Variants in SYTL2 observed in about 807,000 individuals in gnomAD.
The protein encoded by SYTL2 is synaptotagmin like 2.
Under a neutral mutation model 198.7 loss-of-function variants are expected in SYTL2, and 165 were observed. The observed-to-expected ratio is 0.83, with a 90% CI of 0.73 to 0.94. SYTL2 has a LOEUF of 0.94. Ranked by LOEUF, SYTL2 falls within the 40% of genes least tolerant of loss-of-function variation. SYTL2 has a pLI of 0.00. For synonymous variants in SYTL2, 966 were observed against 917.7 expected (o/e 1.05, Z -0.95); for missense variants, 2,835 against 2,582.8 (o/e 1.10, Z -2.12).
chr11:85,805,293 C>T (rs533552187), intron 1 of SYTL2, among the ~76,000 whole-genome samples: 1 of 150,994 alleles, frequency 6.6e-6, no homozygotes, highest in South Asian at 2.1e-4. Context: ...GAGTTCAAGA[C>T]CAGCCTGAGC....
chr11:85,780,241 T>A (rs754515208), intron 1 of SYTL2, among the ~76,000 whole-genome samples: 2 of 152,232 alleles, frequency 1.3e-5, no homozygotes, highest in Non-Finnish European at 2.9e-5. Flanking sequence ...TAGGATAATT[T>A]TCCACCAAAT....
intron 1 of SYTL2, among the ~76,000 whole-genome samples, chr11:85,791,939 G>T (rs1185146444): frequency 6.6e-6 from 1 of 152,108 alleles, no homozygotes; most frequent in Non-Finnish European, 1.5e-5. Context: ...TACAAAAGTT[G>T]CAAGAGAAAG....
chr11:85,770,410 C>T (rs891192637), intron 1 of SYTL2, among the ~76,000 whole-genome samples: 3 of 152,150 alleles, frequency 2.0e-5, no homozygotes, highest in African/African-American at 7.2e-5. Flanking sequence ...TTCTGTCTAC[C>T]ATACACAATC....
chr11:85,727,360 A>C lies in SYTL2; in HGVS notation c.1998T>G (p.Asn666Lys), dbSNP rs774993978. Residue 666 changes from asparagine (N) to lysine (K), a missense_variant, in exon 8 of 20, where the codon AAT (asparagine) becomes AAG (lysine). Asn to Lys is a moderately conservative substitution (Grantham distance 94). This residue lies in a region of SYTL2 where 2,645 missense variants were observed against 2,381.7 expected (regional missense o/e 1.11). Transcript: ENST00000359152. The part of the protein sequence containing the change: ...PGKGNGASPS[N>K]SNYSYSVLKE... ...TGAGAACACTGTAGGAATAGTTACT[A>C]TTTGAAGGAGATGCCCCATTCCCTT... 10 of 1,536,200 alleles carry C rather than the reference A, an allele frequency of 6.5e-6. No individual in the cohort carries two copies. The highest frequency in any genetic ancestry group is 8.7e-6 in the Non-Finnish European group (10 of 1,146,896).
chr11:85,824,775 G>A, the SYTL2 span, among the ~76,000 whole-genome samples: 5 of 152,144 alleles, frequency 3.3e-5, no homozygotes, highest in African/African-American at 1.2e-4. Flanking sequence ...AAGAAAGTGC[G>A]GGCACTAGGA....
In SYTL2 at chr11:85,726,827, G is replaced by A; in HGVS notation, c.2531C>T (p.Thr844Ile). The change falls in exon 8 of 20, where the codon ACA becomes ATA. Residue 844 changes from threonine to isoleucine, a missense_variant. This residue lies in a region of SYTL2 where 2,645 missense variants were observed against 2,381.7 expected (regional missense o/e 1.11). Transcript: ENST00000359152. ...GGCCTGATTATATTCACTCTGGTCTGTAGATAAACTGTCCATGGATGATAC... is the reference window on the plus strand; with the variant it reads ...GGCCTGATTATATTCACTCTGGTCTATAGATAAACTGTCCATGGATGATAC... ...QGVSSMDSLS[T>I]DQSEYNQAIP... 6.5e-7 allele frequency: 1 copy of A among 1,536,412 alleles called. No individual in the cohort carries two copies. The highest frequency in any genetic ancestry group is 8.7e-7 in the Non-Finnish European group (1 of 1,146,952).
At chr11:85,771,976 CACTGCAA>C (rs2092363818) in intron 1 of SYTL2, among the ~76,000 whole-genome samples, 1 of 152,164 alleles carries the variant, frequency 6.6e-6, no homozygotes, top group South Asian at 2.1e-4. Flanking sequence ...AATCTCAGCT[CACTGCAA>C]ACTCCGCCTC....
At chr11:85,780,378 G>A (rs1393263289) in intron 1 of SYTL2, among the ~76,000 whole-genome samples, 1 of 152,196 alleles carries the variant, frequency 6.6e-6, no homozygotes, top group Non-Finnish European at 1.5e-5. Context: ...ACTGGTGGCT[G>A]GCAGCCACTA....
rs199651478 is a variant in SYTL2, at chr11:85,726,095, T to G, written c.3263A>C (p.Lys1088Thr). 38 of 1,613,776 alleles carry G rather than the reference T, an allele frequency of 2.4e-5. No homozygotes were observed. The highest frequency in any genetic ancestry group is 3.2e-5 in the Non-Finnish European group (38 of 1,179,904). Residue 1088 changes from lysine (K) to threonine (T), a missense_variant, in exon 8 of 20, where the codon AAG (lysine) becomes ACG (threonine). Lys to Thr is a moderately conservative substitution (Grantham distance 78). Around this residue, in one of 3 missense-constraint regions of SYTL2, gnomAD observed 2,645 missense variants for 2,381.7 expected, o/e 1.11. Transcript: ENST00000359152. ...TYQLPGNESS[K>T]ENVEKNTEGI... ...TTCCGTATTCTTTTCCACATTTTCCTTTGATGACTCATTTCCTGGCAACTG... is the reference window on the plus strand; with the variant it reads ...TTCCGTATTCTTTTCCACATTTTCCGTTGATGACTCATTTCCTGGCAACTG...
chr11:85,820,375 A>C, the SYTL2 span, among the ~76,000 whole-genome samples: 1 of 152,260 alleles, frequency 6.6e-6, no homozygotes, highest in Non-Finnish European at 1.5e-5. Flanking sequence ...CAAACTTCCC[A>C]GACTGCCCAT....
chr11:85,788,721 T>C (rs2092676143), intron 1 of SYTL2, among the ~76,000 whole-genome samples: 1 of 151,928 alleles, frequency 6.6e-6, no homozygotes, highest in Non-Finnish European at 1.5e-5. Flanking sequence ...GTAGAAGGCC[T>C]CTAGGATGAG....
At position 85,736,523 on chromosome 11, in the gene SYTL2, A is replaced by G. The variant is rs747271330; in HGVS notation, c.564T>C (p.Gly188=). The G allele has an allele frequency of 6.3e-6, 10 of 1,588,796 alleles. 1 individual carries two copies. The highest frequency in any genetic ancestry group is 5.6e-5 in the South Asian group (5 of 89,336). The change falls in exon 6 of 20, where the codon GGT becomes GGC. Residue 188 remains glycine, a synonymous_variant. Transcript: ENST00000359152. ...TACCCTCTTTTGAAGTCTGAAATAA[A>G]CCAGTTCTTCCATTTTTTGACTGTT... ...KNEQSKNGRT[G]LFQTSKEDEL...
Position 85,727,776 on chromosome 11 carries a change from G to A in SYTL2, c.1582C>T (p.Arg528Ter), listed in dbSNP as rs781264139. Residue 528 changes from arginine to a stop codon, truncating the protein, a stop_gained, in exon 8 of 20, where the codon CGA becomes TGA. Coordinates refer to ENST00000359152, the MANE Select transcript of SYTL2 (RefSeq NM_206927.4). LOFTEE classifies it high-confidence loss of function. ...TTATTGTCATCTGAATAAGAACTTC[G>A]GTTAAACCAGTCTAGAACTTTAAAT... Reference protein sequence around the residue: ...SIFKVLDWFNRSSYSDDNKSF... With the variant: ...SIFKVLDWFN 59 of 1,579,762 alleles carry A rather than the reference G, an allele frequency of 3.7e-5. No homozygotes were observed. The highest frequency in any genetic ancestry group is 7.4e-5 in the Admixed American group (4 of 54,386).
intron 9 of SYTL2, chr11:85,719,109 A>G: frequency 6.8e-7 from 1 of 1,474,500 alleles, no homozygotes; most frequent in African/African-American, 1.4e-5. Flanking sequence ...AGTTCAGAGC[A>G]AGCAATCGGC....
intron 6 of SYTL2, among the ~76,000 whole-genome samples, chr11:85,735,705 C>T (rs1017127850): frequency 1.3e-5 from 2 of 151,592 alleles, no homozygotes; most frequent in African/African-American, 2.4e-5. Context: ...TGCAGTGAGC[C>T]GAGATTGCAC....
intron 18 of SYTL2, among the ~76,000 whole-genome samples, chr11:85,697,157 GA>G (rs1439736885): frequency 2.0e-5 from 3 of 152,124 alleles, no homozygotes; most frequent in Non-Finnish European, 4.4e-5. Context: ...AATGTGTAGG[GA>G]AAATCATAAA....
the SYTL2 span, among the ~76,000 whole-genome samples, chr11:85,827,661 T>C: frequency 1.3e-5 from 2 of 152,158 alleles, no homozygotes; most frequent in African/African-American, 4.8e-5. Flanking sequence ...TATCTGTCTC[T>C]TTTTTGAATG....
intron 4 of SYTL2, 30 bp downstream of exon 4, chr11:85,745,607 C>A: frequency 6.3e-7 from 1 of 1,599,330 alleles, no homozygotes; most frequent in Non-Finnish European, 8.6e-7. Context: ...AAGCCACATG[C>A]AGCAGCTCTC....
chr11:85,769,048 A>G lies in SYTL2; in HGVS notation c.-389-10934T>C, dbSNP rs961946014. Among the ~76,000 whole-genome samples the G allele has an allele frequency of 3.9e-5, 6 of 152,330 alleles. No homozygotes were observed. In the East Asian group the frequency reaches 1.2e-3, roughly 29 times the overall value. Reference sequence around the variant, plus strand: ...GAAAAAAAAGATCATTAAGAAAAAAAGCAAAACAATTCAATGGAATACAGA... The same window carrying G: ...GAAAAAAAAGATCATTAAGAAAAAAGGCAAAACAATTCAATGGAATACAGA... On this transcript the variant is annotated intron_variant, in intron 1 of 19. Transcript: ENST00000359152.
Sources: allele counts gnomAD v4.1 joint callset (sites outside exome capture counted in the v4.1 genomes callset), GRCh38; gene constraint gnomAD v4.1.1; regional missense constraint gnomAD v4.1.1; transcripts MANE v1.5; gene names NCBI Gene and HGNC (gene_info 2026-07-23, HGNC 2026-07-21).